UBL7: variants seen among roughly 807,000 people sequenced by gnomAD.
UBL7 encodes the protein ubiquitin like 7, also known as ubiquitin-like protein 7.
Under a neutral mutation model 41.7 loss-of-function variants are expected in UBL7, and 21 were observed. That is an observed-to-expected ratio of 0.50 (90% CI 0.36 to 0.73). UBL7 has a LOEUF of 0.73. Among genes scored for constraint, UBL7 ranks in the 30% least tolerant of loss-of-function variants. The probability of loss-of-function intolerance (pLI) is 0.00; values close to 1 mark genes in which losing one functional copy is unlikely to be tolerated. For synonymous variants in UBL7, 157 were observed against 186.9 expected (o/e 0.84, Z 1.31); for missense variants, 403 against 478.4 (o/e 0.84, Z 1.47).
chr15:74,451,435 C>T lies in UBL7; in HGVS notation c.472+1G>A, dbSNP rs373830844. On this transcript the variant is annotated splice_donor_variant, in intron 5 of 10. Transcript: ENST00000395081. LOFTEE classifies it high-confidence loss of function. ...TTCCTCAAATTCAGTCCTGCACTTA[C>T]CAAGAGCAATAGGGTCACTGCTGAG... is the stretch of plus-strand genomic sequence containing the variant. 1 of 1,613,620 alleles carries T rather than the reference C, an allele frequency of 6.2e-7. No homozygotes were observed. Among genetic ancestry groups the T allele is most frequent in the Non-Finnish European group, 8.5e-7 (1 of 1,179,734 alleles).
Position 74,458,915 on chromosome 15 carries a change from T to G in UBL7, c.-29-19A>C. ...TTTCTCCCTGTAAAAGAACAAAACC[T>G]CAGTGGTTAAAAGACAGACCACCAC... On this transcript the variant is annotated intron_variant, in intron 1 of 10. Coordinates refer to ENST00000395081, the MANE Select transcript of UBL7 (RefSeq NM_032907.5). The G allele has an allele frequency of 6.3e-7, 1 of 1,599,188 alleles. No individual in the cohort carries two copies.
intron 1 of UBL7, among the ~76,000 whole-genome samples, chr15:74,460,364 G>T (rs747452795): frequency 9.9e-5 from 15 of 151,262 alleles, no homozygotes; most frequent in Non-Finnish European, 2.2e-4. Context: ...CCCCAACAGA[G>T]CCCTACCCCT....
At chr15:74,450,559 A>T (rs2061234339) in intron 6 of UBL7, among the ~76,000 whole-genome samples, 1 of 152,058 alleles carries the variant, frequency 6.6e-6, no homozygotes, top group Non-Finnish European at 1.5e-5. Context: ...TTTCTACCAC[A>T]CGAAACCTAA....
At chr15:74,449,148 G>A in intron 9 of UBL7, 38 bp downstream of exon 9, 1 of 1,512,256 alleles carries the variant, frequency 6.6e-7, no homozygotes, top group Non-Finnish European at 8.8e-7. Flanking sequence ...TTGTTCCTTG[G>A]GGGCCCAGCC....
rs890993821 is a variant in UBL7, at chr15:74,460,792, G to C, written c.-30+245C>G. ...CCAAAGAGACCTCTGATAGAGAAGA[G>C]GAAAGAAAAGGCTGTGAAGCTGCCT... On this transcript the variant is annotated intron_variant, in intron 1 of 10. Coordinates refer to ENST00000395081, the MANE Select transcript of UBL7 (RefSeq NM_032907.5). 4 of 1,263,658 alleles carry C rather than the reference G, an allele frequency of 3.2e-6. No homozygotes were observed. In the African/African-American group the frequency reaches 6.3e-5, roughly 20 times the overall value. 78.3% of individuals were successfully genotyped at this position (1,263,658 alleles called of 1,614,324 possible).
At chr15:74,449,427 C>A in intron 8 of UBL7, 74 bp from the exon 9 acceptor site, 2 of 1,573,650 alleles carry the variant, frequency 1.3e-6, no homozygotes, top group Non-Finnish European at 8.7e-7. Flanking sequence ...CCACCTCCAG[C>A]AATAGTTCTT....
chr15:74,458,663 C>G, intron 2 of UBL7, 21 bp downstream of exon 2: 1 of 1,601,790 alleles, frequency 6.2e-7, no homozygotes, highest in South Asian at 1.1e-5. Flanking sequence ...AGCAGCCCAA[C>G]CCCAGTCCAG....
At chr15:74,458,329 G>A (rs556653125) in intron 2 of UBL7, among the ~76,000 whole-genome samples, 1 of 152,166 alleles carries the variant, frequency 6.6e-6, no homozygotes, top group Admixed American at 6.5e-5. Flanking sequence ...CTACTCGGGA[G>A]GCTGAGGCAG....
rs1025784172 is a variant in UBL7, at chr15:74,446,160, C to T, written c.1073G>A (p.Arg358Gln). The change falls in exon 11 of 11, where the codon CGG (arginine) becomes CAG (glutamine). Residue 358 changes from arginine to glutamine, a missense_variant. Transcript: ENST00000395081. The surrounding 1 kb of genome is among the most constrained non-coding windows in gnomAD (Gnocchi z 4.1). Reference protein sequence around the residue: ...MGIQDDELSLRALQATGGDIQ... With the variant: ...MGIQDDELSLQALQATGGDIQ... ...GTCCCCACCGGTGGCCTGCAGGGCCCGCAGGCTCAGCTCATCGTCCTGGAT... is the reference window on the plus strand; with the variant it reads ...GTCCCCACCGGTGGCCTGCAGGGCCTGCAGGCTCAGCTCATCGTCCTGGAT... 7.4e-6 allele frequency: 12 copies of T among 1,613,904 alleles called. No homozygotes were observed. Among genetic ancestry groups the T allele is most frequent in the Admixed American group, 1.7e-5 (1 of 59,996 alleles).
intron 1 of UBL7, among the ~76,000 whole-genome samples, chr15:74,459,443 G>A (rs924032467): frequency 1.3e-5 from 2 of 150,930 alleles, no homozygotes; most frequent in African/African-American, 4.9e-5. Context: ...CAGGTAGCAG[G>A]GACTACAGGC....
chr15:74,456,108 CAG>C (rs2061291228), intron 3 of UBL7, among the ~76,000 whole-genome samples: 1 of 135,592 alleles, frequency 7.4e-6, no homozygotes, highest in South Asian at 2.3e-4. Flanking sequence ...GCCTGTGAGA[CAG>C]AGTGAGACTC....
At chr15:74,447,850 A>G (rs2061200188) in intron 10 of UBL7, among the ~76,000 whole-genome samples, 1 of 152,158 alleles carries the variant, frequency 6.6e-6, no homozygotes, top group Non-Finnish European at 1.5e-5. Flanking sequence ...CGGATCTTCT[A>G]CACTGGACAC....
chr15:74,450,784 T>C lies in UBL7; in HGVS notation c.530+18A>G, dbSNP rs200547859. 9.0e-5 allele frequency: 145 copies of C among 1,612,168 alleles called. No individual in the cohort carries two copies. Among genetic ancestry groups the C allele is most frequent in the Admixed American group, 3.8e-4 (23 of 59,942 alleles). On this transcript the variant is annotated intron_variant, in intron 6 of 10. Transcript: ENST00000395081. ...CGAGGAGAGAGAAGGTACCCTCTAATAGGACAGGTACACTTACGTATCAAG... is the reference window on the plus strand; with the variant it reads ...CGAGGAGAGAGAAGGTACCCTCTAACAGGACAGGTACACTTACGTATCAAG...
At chr15:74,457,595 G>C (rs1457852806) in intron 2 of UBL7, among the ~76,000 whole-genome samples, 3 of 150,642 alleles carry the variant, frequency 2.0e-5, no homozygotes, top group Non-Finnish European at 4.4e-5. Context: ...AAATTAGCCA[G>C]TTGTGGTTGT....
rs764208824 is a variant in UBL7, at chr15:74,458,842, G to T, written c.26C>A (p.Ala9Glu). 8.7e-6 allele frequency: 14 copies of T among 1,612,072 alleles called. No homozygotes were observed. The highest frequency in any genetic ancestry group is 1.2e-5 in the Non-Finnish European group (14 of 1,180,028). ...AAGTGGCTGGTCAGCCAGCTTCACC[G>T]CCAGGTGCCAGTCTGAGAGAGACAT... Reference protein sequence around the residue: MSLSDWHLAVKLADQPLTP... With the variant: MSLSDWHLEVKLADQPLTP... The change falls in exon 2 of 11, where the codon GCG becomes GAG. Residue 9 changes from alanine to glutamate, a missense_variant. Ala to Glu is a moderately radical substitution (Grantham distance 107, BLOSUM62 -1). Coordinates refer to ENST00000395081, the MANE Select transcript of UBL7 (RefSeq NM_032907.5).
chr15:74,457,618 T>C (rs2061307128), intron 2 of UBL7, among the ~76,000 whole-genome samples: 1 of 149,818 alleles, frequency 6.7e-6, no homozygotes, highest in Non-Finnish European at 1.5e-5. Flanking sequence ...GGGCCTGTAA[T>C]CCCAGTTATT....
Position 74,446,210 on chromosome 15 carries a change from C to G in UBL7, c.1023G>C (p.Gln341His). The change falls in exon 11 of 11, where the codon CAG becomes CAC. Residue 341 changes from glutamine (Q) to histidine (H), a missense_variant. Coordinates refer to ENST00000395081, the MANE Select transcript of UBL7 (RefSeq NM_032907.5). This position sits in a 1 kb window ranked among gnomAD's most constrained non-coding sequence, Gnocchi z 4.1. The stretch of plus-strand genomic sequence containing the variant: ...TGCCCATGTCACGTAGCTGCTGCAG[C>G]TGGGGCTGCCACTGGCTCTGTGGAA... ...QPSLQSQWQPQLQQLRDMGIQ... is the reference protein window; with the variant it reads ...QPSLQSQWQPHLQQLRDMGIQ... 2 of 1,613,834 alleles carry G rather than the reference C, an allele frequency of 1.2e-6. No individual in the cohort carries two copies. The highest frequency in any genetic ancestry group is 1.7e-6 in the Non-Finnish European group (2 of 1,179,874).
At chr15:74,450,708 TG>T in intron 6 of UBL7, 93 bp downstream of exon 6, 1 of 1,372,928 alleles carries the variant, frequency 7.3e-7, no homozygotes. Flanking sequence ...AGACTATGGA[TG>T]GGCTCCCAGA....
Position 74,446,374 on chromosome 15 carries a change from A to G in UBL7, c.1006-147T>C, listed in dbSNP as rs183688580. 5.4e-5 allele frequency: 55 copies of G among 1,016,528 alleles called. No individual in the cohort carries two copies. Among genetic ancestry groups the G allele is most frequent in the South Asian group, 4.6e-4 (27 of 58,398 alleles). 63.0% of individuals were successfully genotyped at this position (1,016,528 alleles called of 1,614,324 possible). ...GAGTTCCACAGAACACGGTGCTTCT[A>G]GGAAGACTAAAAGATAGGCTTGAGG... is the stretch of plus-strand genomic sequence containing the variant. On this transcript the variant is annotated intron_variant, in intron 10 of 10. Coordinates refer to ENST00000395081, the MANE Select transcript of UBL7 (RefSeq NM_032907.5). This position sits in a 1 kb window ranked among gnomAD's most constrained non-coding sequence, Gnocchi z 4.1.
Sources: allele counts gnomAD v4.1 joint callset (sites outside exome capture counted in the v4.1 genomes callset), GRCh38; gene constraint gnomAD v4.1.1; non-coding constraint Gnocchi (gnomAD v3.1); transcripts MANE v1.5; gene names NCBI Gene and HGNC (gene_info 2026-07-23, HGNC 2026-07-21).